ROBO2: variants seen among roughly 807,000 people sequenced by gnomAD.
The protein encoded by ROBO2 is roundabout homolog 2.
In ROBO2, 53 loss-of-function variants were observed where a neutral mutation model predicts 160.8. The observed-to-expected ratio is 0.33, with a 90% confidence interval of 0.26 to 0.41. The LOEUF is 0.41. Among genes scored for constraint, ROBO2 ranks in the 10% least tolerant of loss-of-function variants. ROBO2 has a pLI of 1.00. For synonymous variants in ROBO2, 664 were observed against 611.7 expected (o/e 1.09, Z -1.26); for missense variants, 1,577 against 1,722.4 (o/e 0.92, Z 1.49).
intron 2 of ROBO2, among the ~76,000 whole-genome samples, chr3:76,648,692 G>A (rs2091103883): frequency 6.6e-6 from 1 of 152,036 alleles, no homozygotes; most frequent in Admixed American, 6.6e-5. Context: ...AGGTATCAAT[G>A]ATTGACGAAG....
At chr3:75,929,027 A>G (rs1317531229) in intron 1 of ROBO2, among the ~76,000 whole-genome samples, 1 of 139,864 alleles carries the variant, frequency 7.1e-6, no homozygotes, top group African/African-American at 2.7e-5. Flanking sequence ...AGAATGATCT[A>G]TGTACTTTCA....
intron 2 of ROBO2, among the ~76,000 whole-genome samples, chr3:76,980,778 T>A (rs2149325852): frequency 6.6e-6 from 1 of 152,246 alleles, no homozygotes; most frequent in African/African-American, 2.4e-5. Flanking sequence ...CTATGCAAAA[T>A]TTACCACAAT....
At chr3:77,248,765 A>ACAT (rs959067937) in intron 2 of ROBO2, among the ~76,000 whole-genome samples, 9 of 138,456 alleles carry the variant, frequency 6.5e-5, no homozygotes, top group African/African-American at 2.4e-4. Context: ...AGCTGCTTCA[A>ACAT]CATCACTTGC....
intron 9 of ROBO2, among the ~76,000 whole-genome samples, chr3:77,561,298 C>T (rs1234591908): frequency 2.0e-5 from 3 of 152,092 alleles, no homozygotes; most frequent in African/African-American, 7.2e-5. Context: ...GACTGATGTT[C>T]ATCACAGAAT....
At chr3:77,553,727 G>A (rs1410235940) in intron 8 of ROBO2, among the ~76,000 whole-genome samples, 1 of 151,902 alleles carries the variant, frequency 6.6e-6, no homozygotes, top group Non-Finnish European at 1.5e-5. Context: ...TCCAGAGCAA[G>A]GCCCTAACTG....
intron 2 of ROBO2, among the ~76,000 whole-genome samples, chr3:76,922,746 T>A (rs72631208): frequency 0.15 from 22,374 of 152,206 alleles, 1,806 homozygotes; most frequent in Non-Finnish European, 0.19. Flanking sequence ...CAGCCGCCGA[T>A]TGTGATGGAT....
intron 2 of ROBO2, among the ~76,000 whole-genome samples, chr3:76,442,736 G>A (rs534186856): frequency 6.6e-6 from 1 of 152,126 alleles, no homozygotes; most frequent in African/African-American, 2.4e-5. Context: ...CCTTTGTCCA[G>A]TATAGCCACA....
At chr3:77,229,291 A>G (rs751246892) in intron 2 of ROBO2, among the ~76,000 whole-genome samples, 22 of 152,138 alleles carry the variant, frequency 1.4e-4, no homozygotes, top group Non-Finnish European at 3.1e-4. Flanking sequence ...CCAGAGTAGT[A>G]TTAATACTAT....
intron 2 of ROBO2, among the ~76,000 whole-genome samples, chr3:76,707,541 A>T (rs7627246): frequency 6.6e-6 from 1 of 151,788 alleles, no homozygotes; most frequent in East Asian, 1.9e-4. Context: ...GCATGCCACA[A>T]GTTCCCAAGG....
Position 77,062,965 on chromosome 3 carries a change from T to C in ROBO2, c.61+22119T>C, listed in dbSNP as rs1028320131. Among the ~76,000 whole-genome samples the C allele has an allele frequency of 3.9e-5, 6 of 152,298 alleles. No homozygotes were observed. The East Asian group carries it at 7.7e-4, about 20-fold the overall frequency. Reference sequence around the variant, plus strand: ...CTCCCAGTTACATTTTTTTTAATAATAAAGATTCTGAATTTTATCCCAAGG... The same window carrying C: ...CTCCCAGTTACATTTTTTTTAATAACAAAGATTCTGAATTTTATCCCAAGG... On this transcript the variant is annotated intron_variant, in intron 1 of 25. Coordinates refer to ENST00000461745, the Ensembl canonical transcript of ROBO2.
intron 2 of ROBO2, among the ~76,000 whole-genome samples, chr3:76,250,100 G>C (rs1188802861): frequency 2.0e-5 from 3 of 152,048 alleles, no homozygotes; most frequent in African/African-American, 4.8e-5. Context: ...GCTGTTATCA[G>C]TTAACAAAAT....
Position 77,294,525 on chromosome 3 carries a change from C to T in ROBO2, c.389-182889C>T, listed in dbSNP as rs547356667. ...ACATTAAGTAAAATTGATGGTTAAACGGGTAAACTGAGGCTAGATCCCTAA... is the reference window on the plus strand; with the variant it reads ...ACATTAAGTAAAATTGATGGTTAAATGGGTAAACTGAGGCTAGATCCCTAA... On this transcript the variant is annotated intron_variant, in intron 2 of 25. Coordinates refer to ENST00000461745, the Ensembl canonical transcript of ROBO2. 4.2e-3 allele frequency among the ~76,000 whole-genome samples: 601 copies of T among 143,452 alleles called. 49 individuals carry two copies. Among genetic ancestry groups the T allele is most frequent in the South Asian group, 0.017 (80 of 4,604 alleles). The allele number at this position is 143,452 out of a possible 152,430, so 94.1% of individuals were successfully genotyped here.
At chr3:76,794,745 G>A (rs1339803887) in intron 2 of ROBO2, among the ~76,000 whole-genome samples, 3 of 151,976 alleles carry the variant, frequency 2.0e-5, no homozygotes, top group African/African-American at 7.2e-5. Context: ...TAAAGATAAT[G>A]CCCTCATGCT....
intron 2 of ROBO2, among the ~76,000 whole-genome samples, chr3:76,421,453 G>A (rs1461770901): frequency 6.6e-6 from 1 of 151,168 alleles, no homozygotes; most frequent in Non-Finnish European, 1.5e-5. Flanking sequence ...TAGGCTGGGC[G>A]CAGTGGCTCA....
At chr3:77,291,025 G>A (rs13074325) in intron 2 of ROBO2, among the ~76,000 whole-genome samples, 317 of 97,658 alleles carry the variant, frequency 3.2e-3, no homozygotes, top group South Asian at 7.8e-3. Context: ...CCCCAGACAT[G>A]AAGTAAAATT....
chr3:77,636,635 T>G (rs1355092081), intron 24 of ROBO2, among the ~76,000 whole-genome samples: 2 of 151,806 alleles, frequency 1.3e-5, no homozygotes, highest in Admixed American at 6.6e-5. Context: ...AGTAGAATGA[T>G]GGAAATGATT....
intron 2 of ROBO2, among the ~76,000 whole-genome samples, chr3:76,997,318 G>A (rs1170666383): frequency 6.6e-6 from 1 of 152,104 alleles, no homozygotes; most frequent in Non-Finnish European, 1.5e-5. Context: ...GATGGATAAT[G>A]TTATACCTTA....
intron 2 of ROBO2, among the ~76,000 whole-genome samples, chr3:76,262,634 C>T (rs766299925): frequency 2.0e-5 from 3 of 152,068 alleles, no homozygotes; most frequent in Non-Finnish European, 4.4e-5. Context: ...TAATCTCCCA[C>T]ATGTAATATT....
Position 76,028,241 on chromosome 3 carries a change from T to G in ROBO2, c.109+90639T>G, listed in dbSNP as rs1194077021. ...AATTAAACCATATTCAAATATATAC[T>G]GATAGAGCAAATATGAGAGGATAAT... On this transcript the variant is annotated intron_variant, in intron 2 of 26. Transcript: ENST00000487694. Among the ~76,000 whole-genome samples the G allele has an allele frequency of 8.0e-5, 5 of 62,740 alleles. No homozygotes were observed. In the East Asian group the frequency reaches 2.4e-3, roughly 30 times the overall value. 41.2% of individuals were successfully genotyped at this position (62,740 alleles called of 152,430 possible). A position where few individuals can be genotyped will look rare whatever the true frequency, so the allele number is the denominator to read the frequency against.
Sources: allele counts gnomAD v4.1 joint callset (sites outside exome capture counted in the v4.1 genomes callset), GRCh38; gene constraint gnomAD v4.1.1; transcripts MANE v1.5; gene names NCBI Gene and HGNC (gene_info 2026-07-23, HGNC 2026-07-21).